Variants in IGF2BP2 observed in about 807,000 individuals in gnomAD.
IGF2BP2 encodes insulin-like growth factor 2 mRNA-binding protein 2.
In IGF2BP2, 17 loss-of-function variants were observed where a neutral mutation model predicts 75.8. The ratio of observed to expected loss-of-function variants is 0.22; its 90% CI spans 0.15 to 0.34. The LOEUF (loss-of-function observed/expected upper bound fraction) is 0.34, where lower values mean the gene tolerates loss of function less well. IGF2BP2 is among the 10% of genes least tolerant of loss of function. The pLI is 1.00. For synonymous variants in IGF2BP2, 288 were observed against 295.6 expected, an observed-to-expected ratio of 0.97 and a Z score of 0.26; for missense variants, 516 against 772.4, an observed-to-expected ratio of 0.67 and a Z score of 3.93.
intron 5 of IGF2BP2, among the ~76,000 whole-genome samples, chr3:185,690,992 C>A (rs1721873543): frequency 6.6e-6 from 1 of 152,112 alleles, no homozygotes; most frequent in African/African-American, 2.4e-5. Context: ...GAGAGGTCCA[C>A]CCAAGCAGCA....
intron 14 of IGF2BP2, among the ~76,000 whole-genome samples, chr3:185,648,141 C>T (rs180753608): frequency 1.4e-4 from 22 of 152,258 alleles, no homozygotes; most frequent in Admixed American, 3.9e-4. Flanking sequence ...TTTTGAATTC[C>T]GTTTAAGAGT....
At chr3:185,803,350 C>CA (rs1738543479) in intron 2 of IGF2BP2, among the ~76,000 whole-genome samples, 1 of 151,966 alleles carries the variant, frequency 6.6e-6, no homozygotes. Flanking sequence ...GACTCCATCT[C>CA]AAAAAAATAA....
chr3:185,752,138 C>T (rs1731049657), intron 2 of IGF2BP2, among the ~76,000 whole-genome samples: 1 of 152,122 alleles, frequency 6.6e-6, no homozygotes, highest in Non-Finnish European at 1.5e-5. Flanking sequence ...CAAAGGGTTT[C>T]ATGGCATAGG....
intron 2 of IGF2BP2, among the ~76,000 whole-genome samples, chr3:185,764,786 A>C (rs1175975591): frequency 6.6e-6 from 1 of 152,172 alleles, no homozygotes; most frequent in African/African-American, 2.4e-5. Flanking sequence ...TCACAGCTTC[A>C]AGAAGGGGTT....
chr3:185,664,026 G>A (rs1716895045), intron 10 of IGF2BP2, among the ~76,000 whole-genome samples: 3 of 152,242 alleles, frequency 2.0e-5, no homozygotes, highest in Non-Finnish European at 4.4e-5. Flanking sequence ...TGGGCCTTAG[G>A]AAGGGGCGAC....
chr3:185,689,312 G>C, intron 6 of IGF2BP2, 43 bp downstream of exon 6: 1 of 1,593,176 alleles, frequency 6.3e-7, no homozygotes, highest in Non-Finnish European at 8.5e-7. Context: ...AGCACGCAGG[G>C]GACCCCTCAG....
At position 185,689,643 on chromosome 3, in the gene IGF2BP2, A is replaced by G. The variant is rs750625947; in HGVS notation, c.405-16T>C. 2 of 1,613,828 alleles carry G rather than the reference A, an allele frequency of 1.2e-6. No homozygotes were observed. Among genetic ancestry groups the G allele is most frequent in the African/African-American group, 1.3e-5 (1 of 74,920 alleles). On this transcript the variant is annotated splice_polypyrimidine_tract_variant and intron_variant, in intron 5 of 15. Transcript: ENST00000382199. ...CTCCATGGCTCTGAAATGCAGCAGG[A>G]CAGGGGAGCTTCGTCAGAAACCAAC... is the stretch of plus-strand genomic sequence containing the variant.
At chr3:185,741,309 A>T (rs1224245162) in intron 2 of IGF2BP2, among the ~76,000 whole-genome samples, 4 of 152,326 alleles carry the variant, frequency 2.6e-5, no homozygotes, top group East Asian at 3.9e-4. Flanking sequence ...CGATAATTTT[A>T]TAAATCCAAC....
At chr3:185,685,169 TA>T (rs1220368655) in intron 7 of IGF2BP2, among the ~76,000 whole-genome samples, 4 of 151,896 alleles carry the variant, frequency 2.6e-5, no homozygotes, top group African/African-American at 9.7e-5. Context: ...GCAACGTGGT[TA>T]AACCCTGTCT....
At chr3:185,755,578 T>C (rs796787603) in intron 2 of IGF2BP2, among the ~76,000 whole-genome samples, 16 of 152,332 alleles carry the variant, frequency 1.1e-4, no homozygotes, top group African/African-American at 3.4e-4. Flanking sequence ...AGAGCAGCCA[T>C]GTGGGCTGTG....
chr3:185,692,186 TTCTC>T (rs1722035667), intron 5 of IGF2BP2, among the ~76,000 whole-genome samples: 1 of 152,166 alleles, frequency 6.6e-6, no homozygotes, highest in Non-Finnish European at 1.5e-5. Flanking sequence ...TCTCAGACAA[TTCTC>T]TCGGCTGCTG....
chr3:185,681,054 C>T (rs56311779), intron 7 of IGF2BP2, among the ~76,000 whole-genome samples: 2,028 of 152,212 alleles, frequency 0.013, 24 homozygotes, highest in Non-Finnish European at 0.018. Context: ...CCACTCCTGC[C>T]CATTTCTATT....
intron 8 of IGF2BP2, 26 bp downstream of exon 8, chr3:185,675,765 A>G (rs1391667455): frequency 1.2e-6 from 2 of 1,609,646 alleles, no homozygotes; most frequent in South Asian, 1.1e-5. Context: ...ATTATTGGGC[A>G]TGAGTAATCT....
chr3:185,670,078 T>C (rs937229104), intron 10 of IGF2BP2, among the ~76,000 whole-genome samples: 1 of 152,248 alleles, frequency 6.6e-6, no homozygotes, highest in Non-Finnish European at 1.5e-5. Flanking sequence ...GCTACTCTAA[T>C]ATTGACCCAT....
chr3:185,663,458 G>A (rs77637892), intron 10 of IGF2BP2, among the ~76,000 whole-genome samples: 4,142 of 152,226 alleles, frequency 0.027, 196 homozygotes, highest in African/African-American at 0.094. Context: ...TGACTCTTCT[G>A]GGGGGTAGGT....
intron 3 of IGF2BP2, among the ~76,000 whole-genome samples, chr3:185,697,288 T>A (rs1434746188): frequency 6.6e-6 from 1 of 152,186 alleles, no homozygotes; most frequent in South Asian, 2.1e-4. Context: ...GTATTTTTAG[T>A]AGAGACGTGG....
intron 2 of IGF2BP2, chr3:185,717,890 A>C (rs1177175872): frequency 6.6e-6 from 1 of 152,164 alleles, no homozygotes; most frequent in Non-Finnish European, 1.5e-5. Context: ...GCGGAGAAGG[A>C]GGGAAGGAAG....
At chr3:185,703,096 G>A (rs1328024415) in intron 2 of IGF2BP2, among the ~76,000 whole-genome samples, 1 of 152,142 alleles carries the variant, frequency 6.6e-6, no homozygotes, top group African/African-American at 2.4e-5. Flanking sequence ...TAGGGAACTG[G>A]CTACCTTCAC....
At chr3:185,786,269 T>C (rs1735873829) in intron 2 of IGF2BP2, among the ~76,000 whole-genome samples, 1 of 151,976 alleles carries the variant, frequency 6.6e-6, no homozygotes. Context: ...ATGGCCCCAC[T>C]GAGAAATCCT....
Sources: gnomAD v4.1 joint callset for allele counts (sites outside exome capture counted in the v4.1 genomes callset) on GRCh38, gnomAD v4.1.1 for gene constraint, MANE v1.5 for transcripts, NCBI Gene and HGNC (gene_info 2026-07-23, HGNC 2026-07-21) for gene names.